The following DZIP3 variants were observed in gnomAD, a reference collection of about 807,000 sequenced individuals.
DZIP3 encodes E3 ubiquitin-protein ligase DZIP3.
DZIP3 carries 118 observed loss-of-function variants against 162.0 expected under a neutral mutation model. The ratio of observed to expected loss-of-function variants is 0.73; its 90% CI spans 0.63 to 0.85. The LOEUF is 0.85. DZIP3 is among the 40% of genes least tolerant of loss of function. The pLI is 0.00. For synonymous variants in DZIP3, 438 were observed against 458.6 expected, an observed-to-expected ratio of 0.96 and a Z score of 0.57; for missense variants, 1,331 against 1,407.0, an observed-to-expected ratio of 0.95 and a Z score of 0.86.
chr3:108,646,983 G>A (rs1470617279), intron 15 of DZIP3, among the ~76,000 whole-genome samples: 2 of 152,184 alleles, frequency 1.3e-5, no homozygotes, highest in Non-Finnish European at 2.9e-5. Flanking sequence ...AGAGGTTGCA[G>A]TGAGCCAAGA....
intron 1 of DZIP3, among the ~76,000 whole-genome samples, chr3:108,597,610 A>G (rs1939776815): frequency 6.6e-6 from 1 of 152,168 alleles, no homozygotes; most frequent in Admixed American, 6.5e-5. Flanking sequence ...CAGAAAATAA[A>G]TACTATCAGG....
intron 3 of DZIP3, among the ~76,000 whole-genome samples, chr3:108,609,244 C>G (rs1576353219): frequency 6.6e-6 from 1 of 152,066 alleles, no homozygotes; most frequent in East Asian, 1.9e-4. Context: ...CAGAGGTTAT[C>G]CTGTAACTTA....
intron 19 of DZIP3, among the ~76,000 whole-genome samples, chr3:108,660,366 C>A (rs1239393851): frequency 5.3e-5 from 8 of 152,238 alleles, no homozygotes; most frequent in Non-Finnish European, 1.2e-4. Context: ...TTTGAAAAAC[C>A]TGACAAAAAC....
chr3:108,627,151 T>A (rs1343903695), intron 7 of DZIP3, among the ~76,000 whole-genome samples: 1 of 152,236 alleles, frequency 6.6e-6, no homozygotes, highest in Non-Finnish European at 1.5e-5. Flanking sequence ...CAGTCTATAC[T>A]GTGACAAAGT....
chr3:108,607,491 C>T (rs1001406286), intron 2 of DZIP3, among the ~76,000 whole-genome samples: 4 of 152,112 alleles, frequency 2.6e-5, no homozygotes. Context: ...GTTCTGTATG[C>T]AGGCAAAAGC....
intron 26 of DZIP3, among the ~76,000 whole-genome samples, chr3:108,683,579 A>G (rs1944395368): frequency 6.6e-6 from 1 of 152,164 alleles, no homozygotes; most frequent in Non-Finnish European, 1.5e-5. Flanking sequence ...TTCCACAGAT[A>G]GCTGCTAAGA....
chr3:108,605,561 AG>A, intron 2 of DZIP3, 123 bp downstream of exon 2: 1 of 945,028 alleles, frequency 1.1e-6, no homozygotes, highest in Non-Finnish European at 1.6e-6. Context: ...TCAGATCATC[AG>A]GCATTAGATT....
chr3:108,686,108 T>C (rs1944488653), intron 27 of DZIP3, among the ~76,000 whole-genome samples: 1 of 152,216 alleles, frequency 6.6e-6, no homozygotes, highest in Non-Finnish European at 1.5e-5. Flanking sequence ...CTTCATGTTT[T>C]GCTGTACATG....
At chr3:108,613,641 T>C (rs2107518723) in intron 4 of DZIP3, among the ~76,000 whole-genome samples, 1 of 152,320 alleles carries the variant, frequency 6.6e-6, no homozygotes, top group South Asian at 2.1e-4. Flanking sequence ...CTTGCTCTAA[T>C]TGAGACACAC....
At chr3:108,661,824 CTA>C in intron 19 of DZIP3, 51 bp from the exon 20 acceptor site, 1 of 1,482,208 alleles carries the variant, frequency 6.7e-7, no homozygotes. Context: ...TTTCAAATAA[CTA>C]AAATTTTTTT....
At chr3:108,614,576 T>C (rs1030926383) in intron 4 of DZIP3, among the ~76,000 whole-genome samples, 1 of 152,220 alleles carries the variant, frequency 6.6e-6, no homozygotes, top group African/African-American at 2.4e-5. Flanking sequence ...ATTTTCAGTA[T>C]GCTCTGGACA....
At chr3:108,644,809 A>G (rs1576408638) in intron 14 of DZIP3, 28 bp downstream of exon 14, 2 of 1,572,022 alleles carry the variant, frequency 1.3e-6, no homozygotes, top group Non-Finnish European at 1.7e-6. Flanking sequence ...ACTTCAGCCA[A>G]TAAACTTCCA....
chr3:108,650,419 A>G (rs1263233161), intron 17 of DZIP3, among the ~76,000 whole-genome samples: 1 of 151,768 alleles, frequency 6.6e-6, no homozygotes, highest in African/African-American at 2.4e-5. Flanking sequence ...AGAAAGCTAA[A>G]TGAATTTGTA....
intron 20 of DZIP3, 75 bp from the exon 21 acceptor site, chr3:108,662,055 A>G: frequency 6.4e-7 from 1 of 1,568,924 alleles, no homozygotes; most frequent in East Asian, 2.3e-5. Context: ...TTTGAAAAGA[A>G]CTTAGTTTGC....
chr3:108,613,185 T>A (rs1940816045), intron 4 of DZIP3, among the ~76,000 whole-genome samples: 1 of 152,148 alleles, frequency 6.6e-6, no homozygotes, highest in African/African-American at 2.4e-5. Context: ...AGACGCAGTA[T>A]GTTAAAGCAG....
intron 21 of DZIP3, among the ~76,000 whole-genome samples, chr3:108,665,815 C>T (rs570125751): frequency 7.3e-5 from 11 of 151,656 alleles, no homozygotes; most frequent in Non-Finnish European, 1.3e-4. Context: ...ATTCAATTAC[C>T]GAAAGAAAAG....
At chr3:108,602,860 G>A (rs760267854) in intron 1 of DZIP3, 5 of 152,148 alleles carry the variant, frequency 3.3e-5, no homozygotes, top group Non-Finnish European at 5.9e-5. Flanking sequence ...TGATGAGATT[G>A]ATGATTCTTT....
chr3:108,611,241 T>A lies in DZIP3; in HGVS notation c.170T>A (p.Leu57Ter), dbSNP rs758206507. The A allele has an allele frequency of 6.2e-7, 1 of 1,612,312 alleles. No homozygotes were observed. The highest frequency in any genetic ancestry group is 8.5e-7 in the Non-Finnish European group (1 of 1,179,492). Reference protein sequence around the residue: ...PVNLLLEVKKLLNAINTLPKG... With the variant: ...PVNLLLEVKK ...AACCTACTATTAGAAGTGAAGAAGT[T>A]ATTAAATGCAATTAATACTCTACCA... The change falls in exon 4 of 33, where the codon TTA becomes TAA. Residue 57 changes from leucine (L) to a stop codon, truncating the protein, a stop_gained. Transcript: ENST00000361582. LOFTEE classifies it high-confidence loss of function.
chr3:108,618,959 G>T (rs1301109403), intron 5 of DZIP3, among the ~76,000 whole-genome samples: 3 of 149,476 alleles, frequency 2.0e-5, no homozygotes, highest in Non-Finnish European at 4.4e-5. Context: ...TACTCAGGAG[G>T]CTGAGGCAGG....
Sources: allele counts gnomAD v4.1 joint callset (sites outside exome capture counted in the v4.1 genomes callset), GRCh38; gene constraint gnomAD v4.1.1; transcripts MANE v1.5; gene names NCBI Gene and HGNC (gene_info 2026-07-23, HGNC 2026-07-21).